LRP5: variants seen among roughly 807,000 people sequenced by gnomAD.
The protein encoded by LRP5 is LDL receptor related protein 5.
A neutral mutation model predicts 154.1 loss-of-function variants in LRP5; 62 were observed. The observed-to-expected ratio is 0.40, with a 90% CI of 0.33 to 0.50. The LOEUF is 0.50. Ranked by LOEUF, LRP5 falls within the 20% of genes least tolerant of loss-of-function variation. The probability of loss-of-function intolerance (pLI) is 0.55; values close to 1 mark genes in which losing one functional copy is unlikely to be tolerated. For missense variants in LRP5, 1,915 were observed against 2,336.7 expected (o/e 0.82, Z 3.72); for synonymous variants, 966 against 1,011.5 (o/e 0.96, Z 0.85).
chr11:68,371,057 G>C (rs1484289269), intron 5 of LRP5, among the ~76,000 whole-genome samples: 4 of 152,156 alleles, frequency 2.6e-5, no homozygotes, highest in Admixed American at 6.5e-5. Context: ...TAATTAACAG[G>C]CTGGTGCTCG....
intron 5 of LRP5, among the ~76,000 whole-genome samples, chr11:68,384,103 G>T (rs1279839136): frequency 1.3e-5 from 2 of 152,114 alleles, no homozygotes; most frequent in East Asian, 3.9e-4. Context: ...TGTCGCTGTT[G>T]CCATCACGTG....
chr11:68,305,317 A>G, the LRP5 span, among the ~76,000 whole-genome samples: 201 of 151,992 alleles, frequency 1.3e-3, 8 homozygotes, highest in Admixed American at 0.013. Flanking sequence ...GCCTTCCACG[A>G]TGAGTAAAAC....
At chr11:68,434,350 TTTCATTCATTCATTCATTCATTCA>T (rs3138551) in intron 18 of LRP5, among the ~76,000 whole-genome samples, 7 of 143,348 alleles carry the variant, frequency 4.9e-5, no homozygotes, top group Admixed American at 1.4e-4. Flanking sequence ...GTGAGTTTTC[TTTCATTCATTCATTCATTCATTCA>T]TTCATTCATT....
intron 1 of LRP5, among the ~76,000 whole-genome samples, chr11:68,326,186 A>G (rs574992251): frequency 1.3e-4 from 20 of 152,330 alleles, no homozygotes; most frequent in South Asian, 2.1e-4. Flanking sequence ...TCTGGGGGAC[A>G]GGTGCAGGTA....
intron 4 of LRP5, among the ~76,000 whole-genome samples, chr11:68,364,792 G>A (rs2098630036): frequency 6.6e-6 from 1 of 152,168 alleles, no homozygotes; most frequent in African/African-American, 2.4e-5. Context: ...GGAGGGTGGG[G>A]CTCTCTGGAG....
At chr11:68,308,463 A>C (rs2098585317), upstream of LRP5, among the ~76,000 whole-genome samples, 1 of 152,160 alleles carries the variant, frequency 6.6e-6, no homozygotes, top group African/African-American at 2.4e-5. Context: ...ACTGAGAGTG[A>C]ACATTTCCAA....
At chr11:68,438,334 C>T in intron 19 of LRP5, 112 bp from the exon 20 acceptor site, 1 of 1,050,468 alleles carries the variant, frequency 9.5e-7, no homozygotes, top group Non-Finnish European at 1.5e-6. Context: ...TTTCTCCCCA[C>T]CCTCCACCAG....
chr11:68,378,014 GC>G (rs1296990161), intron 5 of LRP5, among the ~76,000 whole-genome samples: 1 of 152,222 alleles, frequency 6.6e-6, no homozygotes, highest in Non-Finnish European at 1.5e-5. Flanking sequence ...GTGGCCTGTG[GC>G]CTGGGAGCTG....
At chr11:68,351,992 G>C (rs1352572965) in intron 2 of LRP5, among the ~76,000 whole-genome samples, 2 of 152,124 alleles carry the variant, frequency 1.3e-5, no homozygotes, top group Non-Finnish European at 1.5e-5. Flanking sequence ...GCAGAATGTA[G>C]GGAAACAGGG....
In LRP5 at chr11:68,416,455, C is replaced by T; in HGVS notation, c.2955C>T (p.Asp985=). ...GGAACGTCAAAGCCATCGACTATGA[C>T]CCACTGGACAAGTTCATCTACTGGG... The part of the protein sequence containing the change: ...GLRNVKAIDY[D]PLDKFIYWVD... The change falls in exon 13 of 23, where the codon GAC becomes GAT. Residue 985 remains aspartate, a synonymous_variant. Transcript: ENST00000294304. The T allele has an allele frequency of 6.2e-7, 1 of 1,614,166 alleles. No homozygotes were observed. The highest frequency in any genetic ancestry group is 2.2e-5 in the East Asian group (1 of 44,888).
intron 1 of LRP5, among the ~76,000 whole-genome samples, chr11:68,341,059 C>CTTTTTGTTTTTTTTTTTTT (rs2098608759): frequency 1.2e-5 from 1 of 83,496 alleles, no homozygotes; most frequent in Non-Finnish European, 2.4e-5. Flanking sequence ...GGAGATTGTT[C>CTTTTTGTTTTTTTTTTTTT]TTTTTTTTTT....
intron 17 of LRP5, among the ~76,000 whole-genome samples, chr11:68,431,611 G>A (rs1400528984): frequency 6.6e-6 from 1 of 152,170 alleles, no homozygotes; most frequent in Non-Finnish European, 1.5e-5. Context: ...GGGGAGTAGG[G>A]CCGCGGGGTG....
At chr11:68,311,931 A>G (rs2098588136), upstream of LRP5, among the ~76,000 whole-genome samples, 2 of 152,192 alleles carry the variant, frequency 1.3e-5, no homozygotes, top group South Asian at 4.1e-4. Context: ...TGGAGGGTTC[A>G]GTGGCTGAGC....
intron 3 of LRP5, 150 bp downstream of exon 3, chr11:68,357,997 AG>A: frequency 1.3e-6 from 1 of 768,038 alleles, no homozygotes. Flanking sequence ...GAACAGCGTC[AG>A]GGTCTGTGTG....
intron 1 of LRP5, among the ~76,000 whole-genome samples, chr11:68,331,755 G>A (rs987882665): frequency 6.6e-6 from 1 of 151,842 alleles, no homozygotes; most frequent in Non-Finnish European, 1.5e-5. Context: ...GTGTGTGTGT[G>A]TGTGTGTGTG....
At chr11:68,365,394 C>T (rs1282130040) in intron 4 of LRP5, among the ~76,000 whole-genome samples, 177 bp from the exon 5 acceptor site, 1 of 151,196 alleles carries the variant, frequency 6.6e-6, no homozygotes, top group African/African-American at 2.4e-5. Flanking sequence ...GACGGGCCAG[C>T]GATGAGGCAG....
intron 2 of LRP5, among the ~76,000 whole-genome samples, chr11:68,351,422 G>A (rs1443820764): frequency 1.3e-5 from 2 of 152,164 alleles, no homozygotes; most frequent in Non-Finnish European, 2.9e-5. Flanking sequence ...CTTTTTGGAA[G>A]GGTCGGCTGG....
chr11:68,352,507 TGGTTGGGAAGTGCTCAGTGCTA>T (rs1252965980), intron 2 of LRP5, among the ~76,000 whole-genome samples: 2 of 152,230 alleles, frequency 1.3e-5, no homozygotes, highest in African/African-American at 4.8e-5. Flanking sequence ...TTTGCTATGT[TGGTTGGGAAGTGCTCAGTGCTA>T]GGTTGGGAGG....
chr11:68,339,920 T>C (rs1445877872), intron 1 of LRP5, among the ~76,000 whole-genome samples: 1 of 152,152 alleles, frequency 6.6e-6, no homozygotes, highest in East Asian at 1.9e-4. Flanking sequence ...ACCAGGCTGT[T>C]TTCCACAGCA....
Sources: allele counts gnomAD v4.1 joint callset (sites outside exome capture counted in the v4.1 genomes callset), GRCh38; gene constraint gnomAD v4.1.1; transcripts MANE v1.5; gene names NCBI Gene and HGNC (gene_info 2026-07-23, HGNC 2026-07-21).